The following VPS13B variants were observed in gnomAD, a reference collection of about 807,000 sequenced individuals.
VPS13B encodes the protein vacuolar protein sorting 13 homolog B.
Under a neutral mutation model 426.4 loss-of-function variants are expected in VPS13B, and 285 were observed. That is an observed-to-expected ratio of 0.67 (90% confidence interval 0.61 to 0.74). VPS13B has a LOEUF of 0.74. VPS13B is among the 30% of genes least tolerant of loss of function. VPS13B has a pLI of 0.00. For missense variants in VPS13B, 4,537 were observed against 4,782.6 expected (o/e 0.95, Z 1.51); for synonymous variants, 1,676 against 1,676.4 (o/e 1.00, Z 0.01).
intron 35 of VPS13B, among the ~76,000 whole-genome samples, chr8:99,662,427 G>C (rs1347637826): frequency 6.6e-6 from 1 of 150,780 alleles, no homozygotes; most frequent in Non-Finnish European, 1.5e-5. Context: ...TCTTCCTTAA[G>C]AATTTTATTT....
chr8:99,192,233 T>C (rs13261897), intron 16 of VPS13B, among the ~76,000 whole-genome samples: 3 of 152,186 alleles, frequency 2.0e-5, no homozygotes, highest in Non-Finnish European at 4.4e-5. Context: ...AAATTAGATA[T>C]TCCAGGGCAG....
intron 33 of VPS13B, among the ~76,000 whole-genome samples, chr8:99,621,574 C>T (rs1335339793): frequency 1.3e-5 from 2 of 152,078 alleles, no homozygotes; most frequent in Admixed American, 1.3e-4. Flanking sequence ...ATTACTTTAC[C>T]AGGGCCTTTT....
Position 99,397,789 on chromosome 8 carries a change from G to A in VPS13B, c.3082+6085G>A, listed in dbSNP as rs528397529. Among the ~76,000 whole-genome samples the A allele has an allele frequency of 1.8e-4, 27 of 152,300 alleles. No homozygotes were observed. In the South Asian group the frequency reaches 4.8e-3, roughly 27 times the overall value. On this transcript the variant is annotated intron_variant, in intron 21 of 61. Transcript: ENST00000357162. Reference sequence around the variant, plus strand: ...AATGAGTACAGTGAAAGAAAAAGGTGCTTTCTGCCTCATTAAGCACTACCC... The same window carrying A: ...AATGAGTACAGTGAAAGAAAAAGGTACTTTCTGCCTCATTAAGCACTACCC...
Position 99,021,010 on chromosome 8 carries a change from G to T in VPS13B, c.147+7075G>T, listed in dbSNP as rs74743071. 3.5e-4 allele frequency among the ~76,000 whole-genome samples: 53 copies of T among 152,280 alleles called. No homozygotes were observed. In the East Asian group the frequency reaches 8.7e-3, roughly 25 times the overall value. On this transcript the variant is annotated intron_variant, in intron 2 of 61. Coordinates refer to ENST00000357162, the MANE Select transcript of VPS13B (RefSeq NM_152564.5). ...CATTTAGACTTTTATTTCTGGTGTT[G>T]TCAGTTTTGGTGAGTTGTATCTTTC... is the stretch of plus-strand genomic sequence containing the variant.
chr8:99,596,481 C>A (rs1827022821), intron 33 of VPS13B, among the ~76,000 whole-genome samples: 1 of 151,984 alleles, frequency 6.6e-6, no homozygotes, highest in Non-Finnish European at 1.5e-5. Context: ...AGTGGCTCTG[C>A]TCCCTAAGGT....
chr8:99,592,064 C>G (rs1826711315), intron 33 of VPS13B, among the ~76,000 whole-genome samples: 1 of 151,226 alleles, frequency 6.6e-6, no homozygotes, highest in Admixed American at 6.6e-5. Flanking sequence ...TCTTTTTTCT[C>G]TATCTTCAAT....
In VPS13B at chr8:99,204,237, C is replaced by T. The variant is rs536032019; in HGVS notation, c.2515+11180C>T. Among the ~76,000 whole-genome samples, 227 of 152,166 alleles carry T rather than the reference C, an allele frequency of 1.5e-3. 1 individual carries two copies. Among genetic ancestry groups the T allele is most frequent in the African/African-American group, 3.0e-3 (123 of 41,524 alleles). ...ACAACCATCTGATCTTTGACAAACC[C>T]GACAAAAACTAGCAATGGGGAAAGG... On this transcript the variant is annotated intron_variant, in intron 17 of 61. Coordinates refer to ENST00000357162, the MANE Select transcript of VPS13B (RefSeq NM_152564.5).
intron 39 of VPS13B, among the ~76,000 whole-genome samples, chr8:99,722,453 A>G (rs1311525780): frequency 6.6e-6 from 1 of 151,964 alleles, no homozygotes; most frequent in Non-Finnish European, 1.5e-5. Flanking sequence ...AATTAGTTTT[A>G]TAATACAAAT....
At chr8:99,294,567 TAAAAA>T (rs1287209433) in intron 19 of VPS13B, among the ~76,000 whole-genome samples, 1 of 151,504 alleles carries the variant, frequency 6.6e-6, no homozygotes, top group Non-Finnish European at 1.5e-5. Flanking sequence ...AAAATAAAAA[TAAAAA>T]AAGAAAATAG....
At chr8:99,572,872 C>A (rs1378304721) in intron 31 of VPS13B, among the ~76,000 whole-genome samples, 1 of 152,140 alleles carries the variant, frequency 6.6e-6, no homozygotes, top group East Asian at 1.9e-4. Flanking sequence ...CTTGAGGAAT[C>A]GCCACACTGT....
At chr8:99,642,540 C>A (rs767384830) in intron 34 of VPS13B, 42 bp downstream of exon 34, 11 of 1,522,074 alleles carry the variant, frequency 7.2e-6, no homozygotes, top group Non-Finnish European at 9.0e-6. Context: ...TAATTACTAT[C>A]TAATAAGTTG....
chr8:99,692,174 A>G (rs958604174), intron 35 of VPS13B, among the ~76,000 whole-genome samples: 4 of 147,794 alleles, frequency 2.7e-5, no homozygotes, highest in Non-Finnish European at 4.5e-5. Flanking sequence ...AATTGAACTC[A>G]GCTGTGCACC....
At chr8:99,849,929 G>A (rs1372971171) in intron 55 of VPS13B, among the ~76,000 whole-genome samples, 6 of 143,440 alleles carry the variant, frequency 4.2e-5, no homozygotes, top group East Asian at 4.0e-4. Context: ...ACATAAGTAC[G>A]CATGTATGTA....
chr8:99,376,710 G>A (rs1045544139), intron 19 of VPS13B, among the ~76,000 whole-genome samples: 3 of 152,012 alleles, frequency 2.0e-5, no homozygotes, highest in African/African-American at 7.2e-5. Flanking sequence ...GTAACAATTT[G>A]TACAATATGG....
At chr8:99,309,999 A>G (rs1326268321) in intron 19 of VPS13B, among the ~76,000 whole-genome samples, 1 of 152,204 alleles carries the variant, frequency 6.6e-6, no homozygotes, top group Non-Finnish European at 1.5e-5. Context: ...TTATTGGTGT[A>G]TAAGAATGCT....
intron 6 of VPS13B, among the ~76,000 whole-genome samples, chr8:99,112,637 C>T (rs1384535429): frequency 3.9e-5 from 6 of 152,182 alleles, no homozygotes; most frequent in South Asian, 4.1e-4. Flanking sequence ...CAGGGAAATA[C>T]GCTTATTTTC....
At chr8:99,427,107 G>T (rs1323005571) in intron 21 of VPS13B, among the ~76,000 whole-genome samples, 1 of 44,436 alleles carries the variant, frequency 2.3e-5, no homozygotes, top group Non-Finnish European at 4.3e-5. Flanking sequence ...GTAAGGAAGG[G>T]ATCCAGTTTC....
At chr8:99,261,791 G>A (rs1037953870) in intron 17 of VPS13B, among the ~76,000 whole-genome samples, 2 of 152,152 alleles carry the variant, frequency 1.3e-5, no homozygotes, top group East Asian at 3.8e-4. Flanking sequence ...TATGTGGTTA[G>A]TGTGACAAAG....
At chr8:99,158,399 G>A (rs1298394895) in intron 15 of VPS13B, among the ~76,000 whole-genome samples, 1 of 152,038 alleles carries the variant, frequency 6.6e-6, no homozygotes, top group Non-Finnish European at 1.5e-5. Flanking sequence ...CGGGTGTGGT[G>A]GTGTGTGCCT....
Sources: gnomAD v4.1 joint callset for allele counts (sites outside exome capture counted in the v4.1 genomes callset) on GRCh38, gnomAD v4.1.1 for gene constraint, MANE v1.5 for transcripts, NCBI Gene and HGNC (gene_info 2026-07-23, HGNC 2026-07-21) for gene names.